UBE2G1: variants seen among roughly 807,000 people sequenced by gnomAD.
The protein encoded by UBE2G1 is ubiquitin conjugating enzyme E2 G1, also known as ubiquitin-conjugating enzyme E2 G1.
Under a neutral mutation model 22.7 loss-of-function variants are expected in UBE2G1, and 5 were observed. The observed-to-expected ratio is 0.22, with a 90% CI of 0.12 to 0.46. The LOEUF is 0.46. UBE2G1 is among the 20% of genes least tolerant of loss of function. The pLI is 0.99. For synonymous variants in UBE2G1, 74 were observed against 67.5 expected (o/e 1.10, Z -0.47); for missense variants, 88 against 203.9 (o/e 0.43, Z 3.46).
At chr17:4,287,066 C>A (rs547887740) in intron 4 of UBE2G1, among the ~76,000 whole-genome samples, 38 of 150,302 alleles carry the variant, frequency 2.5e-4, no homozygotes, top group African/African-American at 7.8e-4. Context: ...TAAATAAATA[C>A]ATACATAAAA....
At chr17:4,275,059 G>A (rs1312494909) in intron 5 of UBE2G1, among the ~76,000 whole-genome samples, 1 of 151,894 alleles carries the variant, frequency 6.6e-6, no homozygotes, top group Non-Finnish European at 1.5e-5. Flanking sequence ...AGGGGAGGAC[G>A]CCACTGCACT....
intron 1 of UBE2G1, among the ~76,000 whole-genome samples, chr17:4,317,133 T>C (rs1043579025): frequency 6.6e-6 from 1 of 152,048 alleles, no homozygotes; most frequent in Non-Finnish European, 1.5e-5. Flanking sequence ...GGAGATAACC[T>C]GAGGTCAGGA....
chr17:4,337,260 G>A lies in UBE2G1; in HGVS notation c.46+29011C>T, dbSNP rs113532616. Among the ~76,000 whole-genome samples, 180 of 149,244 alleles carry A rather than the reference G, an allele frequency of 1.2e-3. 2 individuals are homozygous for A. Among genetic ancestry groups the A allele is most frequent in the South Asian group, 9.5e-3 (45 of 4,728 alleles). On this transcript the variant is annotated intron_variant, in intron 1 of 5. Coordinates refer to ENST00000396981, the MANE Select transcript of UBE2G1 (RefSeq NM_003342.5). ...AGAGGTTGAGGTGGGAGGATCCCTT[G>A]AGCCCAGGAGGTCAAGGATGCAATG...
chr17:4,360,158 T>A lies in UBE2G1; in HGVS notation c.46+6113A>T, dbSNP rs575652034. ...GTTTCCATAAGCCCACACTTCCTTC[T>A]CTGAAAAGTTATTTCCTACAAACCA... On this transcript the variant is annotated intron_variant, in intron 1 of 5. Transcript: ENST00000396981. Among the ~76,000 whole-genome samples, 60 of 152,298 alleles carry A rather than the reference T, an allele frequency of 3.9e-4. 1 individual carries two copies. The highest frequency in any genetic ancestry group is 1.4e-3 in the African/African-American group (59 of 41,564).
chr17:4,357,007 CA>C (rs1311077482), intron 1 of UBE2G1, among the ~76,000 whole-genome samples: 1 of 152,080 alleles, frequency 6.6e-6, no homozygotes, highest in Non-Finnish European at 1.5e-5. Flanking sequence ...AACTCTAGCA[CA>C]ATATCAAACC....
intron 5 of UBE2G1, among the ~76,000 whole-genome samples, chr17:4,282,255 G>C (rs192200865): frequency 7.4e-4 from 112 of 152,028 alleles, no homozygotes; most frequent in Admixed American, 2.0e-3. Flanking sequence ...GCTAATTTTT[G>C]TATTTTTAGT....
At position 4,322,155 on chromosome 17, in the gene UBE2G1, A is replaced by C. The variant is rs1479334967; in HGVS notation, c.47-15032T>G. Among the ~76,000 whole-genome samples the C allele has an allele frequency of 3.3e-5, 5 of 152,236 alleles. No individual in the cohort carries two copies. The East Asian group carries it at 9.6e-4, about 29-fold the overall frequency. ...TTAAAAACTGGAACAGGTAATACAAATACAAGATGTTCTACTCACAAACAC... is the reference window on the plus strand; with the variant it reads ...TTAAAAACTGGAACAGGTAATACAACTACAAGATGTTCTACTCACAAACAC... On this transcript the variant is annotated intron_variant, in intron 1 of 5. Coordinates refer to ENST00000396981, the MANE Select transcript of UBE2G1 (RefSeq NM_003342.5).
At chr17:4,275,294 A>G (rs917213637) in intron 5 of UBE2G1, among the ~76,000 whole-genome samples, 1 of 152,262 alleles carries the variant, frequency 6.6e-6, no homozygotes, top group Admixed American at 6.5e-5. Flanking sequence ...TCTTTTCTCC[A>G]GAAAGATAAA....
intron 2 of UBE2G1, among the ~76,000 whole-genome samples, chr17:4,305,871 C>A (rs1169230833): frequency 1.3e-5 from 2 of 152,172 alleles, no homozygotes; most frequent in African/African-American, 4.8e-5. Context: ...ACAATACATA[C>A]TAGTAAATTT....
At chr17:4,302,140 T>G in intron 2 of UBE2G1, 1 of 521,322 alleles carries the variant, frequency 1.9e-6, no homozygotes, top group Non-Finnish European at 3.9e-6. Context: ...TGTGTTGCCA[T>G]GTTCCCTTTT....
chr17:4,279,012 T>C (rs1013151955), intron 5 of UBE2G1, among the ~76,000 whole-genome samples: 14 of 152,290 alleles, frequency 9.2e-5, no homozygotes, highest in African/African-American at 3.4e-4. Flanking sequence ...CAGTGGCTCA[T>C]GCCTGTCATC....
At chr17:4,350,412 T>C (rs749382998) in intron 1 of UBE2G1, among the ~76,000 whole-genome samples, 23 of 152,006 alleles carry the variant, frequency 1.5e-4, no homozygotes, top group Non-Finnish European at 2.9e-5. Flanking sequence ...TAAGCTGAGA[T>C]TGTGCCACTG....
intron 1 of UBE2G1, among the ~76,000 whole-genome samples, chr17:4,340,248 TCA>T (rs1286353132): frequency 6.6e-6 from 1 of 152,306 alleles, no homozygotes; most frequent in African/African-American, 2.4e-5. Context: ...ATCCCCTCTT[TCA>T]TCCTTGCATC....
intron 1 of UBE2G1, among the ~76,000 whole-genome samples, chr17:4,333,729 G>A (rs1243001624): frequency 6.6e-6 from 1 of 152,092 alleles, no homozygotes; most frequent in Non-Finnish European, 1.5e-5. Flanking sequence ...GCTGAGGCAG[G>A]GGAATCTCGA....
In UBE2G1 at chr17:4,282,807, A is replaced by T; in HGVS notation, c.*28T>A. 2 of 1,587,952 alleles carry T rather than the reference A, an allele frequency of 1.3e-6. No homozygotes were observed. Among genetic ancestry groups the T allele is most frequent in the South Asian group, 1.1e-5 (1 of 87,098 alleles). On this transcript the variant is annotated 3_prime_UTR_variant, in exon 5 of 6. Coordinates refer to ENST00000396981, the MANE Select transcript of UBE2G1 (RefSeq NM_003342.5). ...TTTAAAATAAACTTACCCTGAAATA[A>T]GTGAAGTTACTAGCTGCTAAATAAA...
chr17:4,353,462 TACAC>T (rs150917099), intron 1 of UBE2G1, among the ~76,000 whole-genome samples: 27 of 148,154 alleles, frequency 1.8e-4, no homozygotes, highest in African/African-American at 3.5e-4. Context: ...TATATATATA[TACAC>T]ACACACACAC....
chr17:4,310,742 G>GT (rs1380165047), intron 1 of UBE2G1, among the ~76,000 whole-genome samples: 1 of 152,174 alleles, frequency 6.6e-6, no homozygotes, highest in African/African-American at 2.4e-5. Flanking sequence ...GTAGAAGATT[G>GT]TTTAAAAAGG....
rs550032153 is a variant in UBE2G1, at chr17:4,354,478, T to C, written c.46+11793A>G. Among the ~76,000 whole-genome samples the C allele has an allele frequency of 2.0e-5, 3 of 152,240 alleles. No homozygotes were observed. The South Asian group carries it at 6.2e-4, about 32-fold the overall frequency. On this transcript the variant is annotated intron_variant, in intron 1 of 5. Coordinates refer to ENST00000396981, the MANE Select transcript of UBE2G1 (RefSeq NM_003342.5). ...TGTGTGCTTTTCTCAGGAGGTCTTT[T>C]AACTCTTGCTAGATTCTCAAAGGAA...
chr17:4,338,101 C>T (rs2143790564), intron 1 of UBE2G1, among the ~76,000 whole-genome samples: 1 of 151,008 alleles, frequency 6.6e-6, no homozygotes, highest in African/African-American at 2.4e-5. Flanking sequence ...ACCTGGGAGG[C>T]AGAGGTTGCA....
Sources: gnomAD v4.1 joint callset for allele counts (sites outside exome capture counted in the v4.1 genomes callset) on GRCh38, gnomAD v4.1.1 for gene constraint, MANE v1.5 for transcripts, NCBI Gene and HGNC (gene_info 2026-07-23, HGNC 2026-07-21) for gene names.